Variants in NALF1 observed in about 807,000 individuals in gnomAD.
NALF1 encodes NALCN channel auxiliary factor 1.
A neutral mutation model predicts 48.4 loss-of-function variants in NALF1; 3 were observed. That is an observed-to-expected ratio of 0.06 (90% CI 0.03 to 0.16). The LOEUF is 0.16. NALF1 is among the 10% of genes least tolerant of loss of function. The pLI is 1.00. For missense variants in NALF1, 526 were observed against 571.5 expected, an observed-to-expected ratio of 0.92 and a Z score of 0.81; for synonymous variants, 262 against 245.7, an observed-to-expected ratio of 1.07 and a Z score of -0.62.
chr13:107,674,891 C>T (rs989286295), intron 1 of NALF1, among the ~76,000 whole-genome samples: 2 of 152,060 alleles, frequency 1.3e-5, no homozygotes, highest in African/African-American at 2.4e-5. Flanking sequence ...CCCTCCCCAG[C>T]GACTCAAAGG....
intron 1 of NALF1, among the ~76,000 whole-genome samples, chr13:107,224,916 A>C (rs1324863953): frequency 1.1e-4 from 16 of 152,242 alleles, no homozygotes; most frequent in Non-Finnish European, 2.4e-4. Flanking sequence ...TAACAACAGA[A>C]AGAACAAATG....
intron 1 of NALF1, among the ~76,000 whole-genome samples, chr13:107,336,329 G>A (rs779160822): frequency 7.3e-5 from 11 of 151,518 alleles, no homozygotes; most frequent in Non-Finnish European, 1.5e-4. Flanking sequence ...CTCCAGCCTA[G>A]GTGATAGAGC....
At chr13:107,829,289 A>G (rs1294386444) in intron 1 of NALF1, among the ~76,000 whole-genome samples, 1 of 152,222 alleles carries the variant, frequency 6.6e-6, no homozygotes, top group East Asian at 1.9e-4. Flanking sequence ...ATTGAGCAGT[A>G]ACGAATAAAG....
At chr13:107,349,397 T>C (rs2138943249) in intron 1 of NALF1, among the ~76,000 whole-genome samples, 1 of 152,162 alleles carries the variant, frequency 6.6e-6, no homozygotes, top group South Asian at 2.1e-4. Flanking sequence ...TATGTCCCCT[T>C]GGAGAGTAAA....
At chr13:107,401,693 A>G (rs1215804069) in intron 1 of NALF1, among the ~76,000 whole-genome samples, 16 of 26,142 alleles carry the variant, frequency 6.1e-4, no homozygotes, top group African/African-American at 3.5e-3. Context: ...TGTTACTTTG[A>G]AAAAAAAAAA....
intron 1 of NALF1, among the ~76,000 whole-genome samples, chr13:107,453,941 C>G (rs898044675): frequency 6.6e-6 from 1 of 152,174 alleles, no homozygotes; most frequent in African/African-American, 2.4e-5. Context: ...ATCTCTAGAA[C>G]AAGGGCAAAA....
chr13:107,675,339 C>A (rs559464741), intron 1 of NALF1, among the ~76,000 whole-genome samples: 1 of 152,180 alleles, frequency 6.6e-6, no homozygotes, highest in Admixed American at 6.5e-5. Context: ...ACTGTACCTG[C>A]GCATAGATGG....
intron 1 of NALF1, among the ~76,000 whole-genome samples, chr13:107,835,104 G>A (rs569415182): frequency 6.6e-6 from 1 of 152,252 alleles, no homozygotes; most frequent in South Asian, 2.1e-4. Context: ...CTAATATAGG[G>A]TTAGTTATAT....
chr13:107,480,018 A>T (rs1885230966), intron 1 of NALF1, among the ~76,000 whole-genome samples: 1 of 152,154 alleles, frequency 6.6e-6, no homozygotes, highest in African/African-American at 2.4e-5. Context: ...GGCTTGATAT[A>T]GGAAAGGGAA....
intron 1 of NALF1, among the ~76,000 whole-genome samples, chr13:107,396,527 G>T (rs986183354): frequency 6.6e-6 from 1 of 152,148 alleles, no homozygotes; most frequent in African/African-American, 2.4e-5. Flanking sequence ...CACTCCGGGG[G>T]ACTGAGTGGC....
At chr13:107,369,020 C>A (rs1883202205) in intron 1 of NALF1, among the ~76,000 whole-genome samples, 1 of 152,230 alleles carries the variant, frequency 6.6e-6, no homozygotes, top group Admixed American at 6.5e-5. Context: ...AGTTCCCTGC[C>A]TGCCTAACTT....
At chr13:107,732,944 G>A (rs1402105834) in intron 1 of NALF1, among the ~76,000 whole-genome samples, 1 of 152,098 alleles carries the variant, frequency 6.6e-6, no homozygotes, top group Non-Finnish European at 1.5e-5. Context: ...TGATTTTAAG[G>A]AAGTTCAGAA....
intron 1 of NALF1, among the ~76,000 whole-genome samples, chr13:107,495,883 C>A (rs1875318539): frequency 1.3e-5 from 2 of 152,192 alleles, no homozygotes; most frequent in South Asian, 4.1e-4. Flanking sequence ...CAGAAACCTA[C>A]ATGCTGCTTC....
intron 1 of NALF1, among the ~76,000 whole-genome samples, chr13:107,706,656 T>C (rs3915938): frequency 0.77 from 117,162 of 152,048 alleles, 45,925 homozygotes; most frequent in Middle Eastern, 0.85. Flanking sequence ...GATTGGATTT[T>C]TTAAATAGAA....
intron 1 of NALF1, among the ~76,000 whole-genome samples, chr13:107,652,200 T>C (rs564780243): frequency 9.9e-5 from 15 of 152,204 alleles, no homozygotes; most frequent in Admixed American, 4.6e-4. Flanking sequence ...AATGGGGAGA[T>C]TGGATTACCT....
intron 1 of NALF1, among the ~76,000 whole-genome samples, chr13:107,249,552 C>T (rs995948108): frequency 6.8e-6 from 1 of 147,230 alleles, no homozygotes; most frequent in East Asian, 2.0e-4. Flanking sequence ...ATAAAATGAA[C>T]TCAGGTAATC....
chr13:107,746,155 T>C (rs1876774566), intron 1 of NALF1, among the ~76,000 whole-genome samples: 1 of 152,212 alleles, frequency 6.6e-6, no homozygotes, highest in African/African-American at 2.4e-5. Context: ...ATGTATTGTT[T>C]TGTGGATAAA....
At chr13:107,517,470 A>C (rs1161165140) in intron 1 of NALF1, among the ~76,000 whole-genome samples, 2 of 151,940 alleles carry the variant, frequency 1.3e-5, no homozygotes, top group Non-Finnish European at 2.9e-5. Flanking sequence ...CTCTGCAAAA[A>C]AAATACAAAA....
chr13:107,851,805 C>CATTTTTTTTTTTTTTTTTTTT lies in NALF1; in HGVS notation c.915+13876_915+13877insAAAAAAAAAAAAAAAAAAAAT, dbSNP rs1555329721. Among the ~76,000 whole-genome samples, 11 of 104,696 alleles carry CATTTTTTTTTTTTTTTTTTTT rather than the reference C, an allele frequency of 1.1e-4. 2 individuals carry two copies. The highest frequency in any genetic ancestry group is 2.9e-4 in the East Asian group (1 of 3,492). 68.7% of individuals were successfully genotyped at this position (104,696 alleles called of 152,430 possible). ...GGATTAAGGGCTTTACAGGCCCTTT[C>CATTTTTTTTTTTTTTTTTTTT]TTTTTTTTTTTTTTTTTTTTTGAGA... On this transcript the variant is annotated intron_variant, in intron 1 of 2. Transcript: ENST00000375915.
Sources: allele counts gnomAD v4.1 joint callset (sites outside exome capture counted in the v4.1 genomes callset), GRCh38; gene constraint gnomAD v4.1.1; transcripts MANE v1.5; gene names NCBI Gene and HGNC (gene_info 2026-07-23, HGNC 2026-07-21).